DYM: variants seen among roughly 807,000 people sequenced by gnomAD.
The protein encoded by DYM is dyggve-Melchior-Clausen syndrome protein.
A neutral mutation model predicts 93.1 loss-of-function variants in DYM; 78 were observed. That is an observed-to-expected ratio of 0.84 (90% CI 0.70 to 1.01). The LOEUF is 1.01. Ranked by LOEUF, DYM falls within the 50% of genes least tolerant of loss-of-function variation. The pLI is 0.00. For synonymous variants in DYM, 321 were observed against 319.7 expected, an observed-to-expected ratio of 1.00 and a Z score of -0.04; for missense variants, 789 against 845.0, an observed-to-expected ratio of 0.93 and a Z score of 0.82.
chr18:49,294,442 C>T (rs113668183), intron 8 of DYM, among the ~76,000 whole-genome samples: 2 of 152,222 alleles, frequency 1.3e-5, no homozygotes, highest in African/African-American at 4.8e-5. Flanking sequence ...TTCTTTCTAT[C>T]CATGAGCATG....
At chr18:49,432,595 TAA>T (rs2080438643) in intron 1 of DYM, among the ~76,000 whole-genome samples, 1 of 126,440 alleles carries the variant, frequency 7.9e-6, no homozygotes, top group African/African-American at 3.1e-5. Flanking sequence ...GTACCAGCAT[TAA>T]AATTTTTTTT....
chr18:49,388,804 C>T (rs373261888), intron 3 of DYM, among the ~76,000 whole-genome samples: 4 of 150,802 alleles, frequency 2.7e-5, no homozygotes, highest in East Asian at 1.9e-4. Flanking sequence ...TAGAAAATAA[C>T]GAAATGACAC....
chr18:49,128,743 G>T (rs925629964), intron 15 of DYM, among the ~76,000 whole-genome samples: 1 of 151,866 alleles, frequency 6.6e-6, no homozygotes, highest in South Asian at 2.1e-4. Flanking sequence ...ACGTATTCAG[G>T]GTAACTTCAA....
At chr18:49,069,706 T>C (rs930079809) in intron 17 of DYM, among the ~76,000 whole-genome samples, 1 of 152,214 alleles carries the variant, frequency 6.6e-6, no homozygotes, top group Non-Finnish European at 1.5e-5. Flanking sequence ...TTGTGGCTTC[T>C]AGTCTATTAT....
intron 8 of DYM, among the ~76,000 whole-genome samples, chr18:49,292,349 CAGACAG>C (rs1234400727): frequency 1.2e-4 from 9 of 76,018 alleles, no homozygotes; most frequent in Admixed American, 4.8e-4. Flanking sequence ...GACAGACAGA[CAGACAG>C]ACACACACAC....
In DYM at chr18:49,286,554, G is replaced by C. The variant is rs2059677844; in HGVS notation, c.826C>G (p.Leu276Val). Residue 276 changes from leucine to valine, a missense_variant, in exon 9 of 18, where the codon CTT becomes GTT. Around this residue, in one of 3 missense-constraint regions of DYM, gnomAD observed 450 missense variants for 436.2 expected, o/e 1.03. Transcript: ENST00000675505. ...VGSKAAASPELSSPLANQSLL... is the reference protein window; with the variant it reads ...VGSKAAASPEVSSPLANQSLL... ...CTCTGGTTGGCCAGAGGGGAAGAAAGCTCTGGAGAGGCAGCCGCTTTGCTG... is the reference window on the plus strand; with the variant it reads ...CTCTGGTTGGCCAGAGGGGAAGAAACCTCTGGAGAGGCAGCCGCTTTGCTG... 6.2e-7 allele frequency: 1 copy of C among 1,614,012 alleles called. No homozygotes were observed. The highest frequency in any genetic ancestry group is 8.5e-7 in the Non-Finnish European group (1 of 1,180,004).
At chr18:49,435,133 A>G (rs1469855434) in intron 1 of DYM, among the ~76,000 whole-genome samples, 1 of 149,290 alleles carries the variant, frequency 6.7e-6, no homozygotes, top group South Asian at 2.1e-4. Context: ...ACTTGAACCC[A>G]GGAGGCAGAG....
At chr18:49,062,975 C>T (rs1047527404) in intron 17 of DYM, among the ~76,000 whole-genome samples, 4 of 152,206 alleles carry the variant, frequency 2.6e-5, no homozygotes, top group African/African-American at 9.6e-5. Context: ...ACTCCCTGTG[C>T]AGGAGCTTTC....
At chr18:49,270,999 A>T (rs924386889) in intron 11 of DYM, among the ~76,000 whole-genome samples, 26 of 152,294 alleles carry the variant, frequency 1.7e-4, no homozygotes, top group African/African-American at 5.3e-4. Context: ...TCCCAGAGAA[A>T]GAGACTATGT....
chr18:49,093,110 A>G (rs947502854), intron 17 of DYM: 4 of 152,256 alleles, frequency 2.6e-5, no homozygotes, highest in Non-Finnish European at 4.4e-5. Context: ...TGGTTTTGCT[A>G]TAATGGAGGG....
At chr18:49,188,354 T>C (rs1191852536) in intron 14 of DYM, among the ~76,000 whole-genome samples, 4 of 152,172 alleles carry the variant, frequency 2.6e-5, no homozygotes, top group Non-Finnish European at 5.9e-5. Context: ...AGCTAGACAA[T>C]GTAGCACAGA....
chr18:49,163,890 T>A, intron 14 of DYM, 103 bp from the exon 15 acceptor site: 1 of 747,064 alleles, frequency 1.3e-6, no homozygotes, highest in Admixed American at 2.1e-5. Flanking sequence ...TTCTAAAATA[T>A]ACTTGTAAAT....
intron 17 of DYM, among the ~76,000 whole-genome samples, chr18:49,088,075 C>T (rs2078712460): frequency 6.6e-6 from 1 of 151,558 alleles, no homozygotes; most frequent in South Asian, 2.1e-4. Context: ...TGCCTGTTCA[C>T]TCTGATGGTA....
chr18:49,376,446 A>G (rs760801449), intron 5 of DYM, among the ~76,000 whole-genome samples: 37 of 152,370 alleles, frequency 2.4e-4, no homozygotes, highest in Non-Finnish European at 4.6e-4. Flanking sequence ...ATCTTGCTCA[A>G]GCACAAACTA....
chr18:49,292,347 GACAGACAGACACAC>G (rs770780004), intron 8 of DYM, among the ~76,000 whole-genome samples: 9 of 68,382 alleles, frequency 1.3e-4, no homozygotes, highest in Non-Finnish European at 2.3e-4. Flanking sequence ...CAGACAGACA[GACAGACAGACACAC>G]ACACACACAC....
chr18:49,055,693 C>A (rs189514674), intron 17 of DYM, among the ~76,000 whole-genome samples: 22 of 152,340 alleles, frequency 1.4e-4, no homozygotes, highest in Admixed American at 1.4e-3. Flanking sequence ...TGCAGAGCTT[C>A]CCAAAATGCC....
In DYM at chr18:49,267,179, A is replaced by G. The variant is rs2094583767; in HGVS notation, c.1251+4999T>C. ...AGGGTAATCTCTCTATGGCTAGTAC[A>G]GACATTAAAAGGTAACTTTTTAAAA... On this transcript the variant is annotated intron_variant, in intron 11 of 17. Transcript: ENST00000675505. Among the ~76,000 whole-genome samples the G allele has an allele frequency of 4.1e-5, 6 of 147,174 alleles. No individual in the cohort carries two copies. The Admixed American group carries it at 4.2e-4, about 10-fold the overall frequency.
intron 17 of DYM, among the ~76,000 whole-genome samples, chr18:49,054,413 T>C (rs1464908188): frequency 2.0e-5 from 3 of 152,060 alleles, no homozygotes; most frequent in Admixed American, 6.5e-5. Flanking sequence ...GGCTAATTTG[T>C]TGTATTTTTA....
At chr18:49,066,321 C>T (rs2076383014) in intron 17 of DYM, among the ~76,000 whole-genome samples, 1 of 152,152 alleles carries the variant, frequency 6.6e-6, no homozygotes, top group Admixed American at 6.5e-5. Context: ...CATTCCATAG[C>T]CCTCTCGGCG....
Sources: gnomAD v4.1 joint callset for allele counts (sites outside exome capture counted in the v4.1 genomes callset) on GRCh38, gnomAD v4.1.1 for gene constraint, gnomAD v4.1.1 regional missense constraint, MANE v1.5 for transcripts, NCBI Gene and HGNC (gene_info 2026-07-23, HGNC 2026-07-21) for gene names.